Variants in CPNE4 observed in about 807,000 individuals in gnomAD.
CPNE4 encodes the protein copine 4.
CPNE4 carries 25 observed loss-of-function variants against 67.9 expected under a neutral mutation model. The ratio of observed to expected loss-of-function variants is 0.37; its 90% confidence interval spans 0.27 to 0.51. The LOEUF is 0.51. Among genes scored for constraint, CPNE4 ranks in the 20% least tolerant of loss-of-function variants. CPNE4 has a pLI of 0.93. For missense variants in CPNE4, 464 were observed against 690.8 expected (o/e 0.67, Z 3.68); for synonymous variants, 242 against 244.9 (o/e 0.99, Z 0.11).
chr3:131,787,112 T>TCATTACAAAATG (rs2083587126), intron 2 of CPNE4, among the ~76,000 whole-genome samples: 1 of 152,166 alleles, frequency 6.6e-6, no homozygotes, highest in East Asian at 1.9e-4. Context: ...CATTTCCTGG[T>TCATTACAAAATG]ACACCAAAGT....
chr3:131,859,679 T>C (rs73203869), intron 2 of CPNE4, among the ~76,000 whole-genome samples: 11,633 of 152,150 alleles, frequency 0.076, 582 homozygotes, highest in East Asian at 0.17. Flanking sequence ...ACCAATGGTG[T>C]CCACAAGATT....
At chr3:131,658,406 A>G (rs1327861623) in intron 7 of CPNE4, among the ~76,000 whole-genome samples, 1 of 152,214 alleles carries the variant, frequency 6.6e-6, no homozygotes, top group Admixed American at 6.5e-5. Flanking sequence ...ATTGATGATC[A>G]TTCTAACTTT....
At chr3:131,645,898 A>G (rs772842785) in intron 7 of CPNE4, among the ~76,000 whole-genome samples, 1 of 152,204 alleles carries the variant, frequency 6.6e-6, no homozygotes, top group African/African-American at 2.4e-5. Flanking sequence ...GAGTTTCAGA[A>G]TTGTGAGTGG....
intron 5 of CPNE4, among the ~76,000 whole-genome samples, chr3:131,686,224 G>A (rs1218902672): frequency 6.6e-6 from 1 of 152,186 alleles, no homozygotes; most frequent in Non-Finnish European, 1.5e-5. Flanking sequence ...TGAAAGCTAA[G>A]TTCTTTGTAA....
chr3:132,008,385 T>G (rs1001706286), intron 1 of CPNE4, among the ~76,000 whole-genome samples: 1 of 152,216 alleles, frequency 6.6e-6, no homozygotes, highest in Non-Finnish European at 1.5e-5. Context: ...CTTCCATGTT[T>G]TGCAACTTCT....
At chr3:131,840,426 TA>T (rs1389010591) in intron 2 of CPNE4, among the ~76,000 whole-genome samples, 1 of 152,234 alleles carries the variant, frequency 6.6e-6, no homozygotes, top group Non-Finnish European at 1.5e-5. Flanking sequence ...AACAGGATTT[TA>T]ATTCTACAGT....
chr3:131,801,138 T>C (rs1156239448), intron 2 of CPNE4, among the ~76,000 whole-genome samples: 3 of 151,846 alleles, frequency 2.0e-5, no homozygotes, highest in African/African-American at 4.8e-5. Context: ...GTAGCCTCCA[T>C]CATTTTTTCA....
Position 131,996,266 on chromosome 3 carries a change from T to C in CPNE4, c.-2+38301A>G, listed in dbSNP as rs184237965. On this transcript the variant is annotated intron_variant, in intron 1 of 15. Coordinates refer to ENST00000429747, the MANE Select transcript of CPNE4 (RefSeq NM_130808.3). ...AAGGTTGGATGCCTTGGGTAATTTA[T>C]AGCTGGGGGATTGTGGAAGAACATG... is the stretch of plus-strand genomic sequence containing the variant. Among the ~76,000 whole-genome samples the C allele has an allele frequency of 7.2e-4, 109 of 152,240 alleles. 1 individual carries two copies. The highest frequency in any genetic ancestry group is 1.2e-3 in the Non-Finnish European group (79 of 68,022).
chr3:131,626,498 G>A (rs927599047), intron 7 of CPNE4, among the ~76,000 whole-genome samples: 3 of 152,224 alleles, frequency 2.0e-5, no homozygotes, highest in Non-Finnish European at 4.4e-5. Flanking sequence ...TCCAGAGTAA[G>A]TCCTTAATTC....
chr3:131,535,184 G>C lies in CPNE4; in HGVS notation c.*11C>G. 1 of 1,602,928 alleles carries C rather than the reference G, an allele frequency of 6.2e-7. No homozygotes were observed. On this transcript the variant is annotated 3_prime_UTR_variant, in exon 16 of 16. Transcript: ENST00000429747. ...TAGTATTTCAGAACTCTGTAAAACT[G>C]TGTGGGGAGTTCATGGTGCTAGTGT...
At chr3:131,774,339 GA>G (rs5852644) in intron 2 of CPNE4, among the ~76,000 whole-genome samples, 46,750 of 143,410 alleles carry the variant, frequency 0.33, 7,559 homozygotes, top group East Asian at 0.51. Context: ...AAAACGGTAA[GA>G]AAAAAAAAAA....
chr3:131,981,123 G>A (rs554233535), intron 1 of CPNE4, among the ~76,000 whole-genome samples: 2 of 152,234 alleles, frequency 1.3e-5, no homozygotes, highest in East Asian at 3.9e-4. Context: ...CTCTGTGAGG[G>A]TTCTTAGCTT....
At chr3:131,856,614 A>T (rs1268438833) in intron 2 of CPNE4, among the ~76,000 whole-genome samples, 2 of 152,026 alleles carry the variant, frequency 1.3e-5, no homozygotes, top group African/African-American at 2.4e-5. Context: ...TGTGGATGGG[A>T]AACATGGTAA....
intron 1 of CPNE4, among the ~76,000 whole-genome samples, chr3:132,008,402 T>A (rs2073661994): frequency 6.6e-6 from 1 of 152,212 alleles, no homozygotes; most frequent in Non-Finnish European, 1.5e-5. Context: ...TTCTAATACA[T>A]TATTTCTAAC....
chr3:131,603,133 G>A (rs534393778), intron 7 of CPNE4, among the ~76,000 whole-genome samples: 1 of 152,188 alleles, frequency 6.6e-6, no homozygotes, highest in South Asian at 2.1e-4. Context: ...CTGTTTCATA[G>A]CAGGAAGCAA....
chr3:131,934,113 T>A (rs78243960), intron 1 of CPNE4, among the ~76,000 whole-genome samples: 10,256 of 152,190 alleles, frequency 0.067, 724 homozygotes, highest in African/African-American at 0.18. Context: ...GGTACAGAGA[T>A]GGAAATCAAG....
chr3:131,732,854 T>C (rs1197954779), intron 2 of CPNE4, among the ~76,000 whole-genome samples: 3 of 152,246 alleles, frequency 2.0e-5, no homozygotes, highest in Non-Finnish European at 4.4e-5. Flanking sequence ...TGGTTCATGA[T>C]TAATGAATTA....
chr3:131,927,896 TA>T (rs2070942233), intron 1 of CPNE4, among the ~76,000 whole-genome samples: 2 of 152,190 alleles, frequency 1.3e-5, no homozygotes, highest in Admixed American at 6.5e-5. Flanking sequence ...GTAGTTTTGA[TA>T]TTTTTTCTAT....
intron 7 of CPNE4, among the ~76,000 whole-genome samples, chr3:131,648,324 G>A (rs1250343512): frequency 6.6e-6 from 1 of 152,206 alleles, no homozygotes; most frequent in African/African-American, 2.4e-5. Flanking sequence ...AGTGAGCTGT[G>A]GTTGTGCCAC....
Sources: allele counts gnomAD v4.1 joint callset (sites outside exome capture counted in the v4.1 genomes callset), GRCh38; gene constraint gnomAD v4.1.1; transcripts MANE v1.5; gene names NCBI Gene and HGNC (gene_info 2026-07-23, HGNC 2026-07-21).